The following NOTCH2 variants were observed in gnomAD, a reference collection of about 807,000 sequenced individuals.
The protein encoded by NOTCH2 is notch receptor 2, also known as neurogenic locus notch homolog protein 2.
A neutral mutation model predicts 235.8 loss-of-function variants in NOTCH2; 29 were observed. That is an observed-to-expected ratio of 0.12 (90% confidence interval 0.09 to 0.17). The LOEUF is 0.17. Among genes scored for constraint, NOTCH2 ranks in the 10% least tolerant of loss-of-function variants. The pLI, the probability that NOTCH2 is intolerant of heterozygous loss-of-function variation, is 1.00. For missense variants in NOTCH2, 2,285 were observed against 3,150.2 expected (o/e 0.73, Z 6.57); for synonymous variants, 1,086 against 1,141.5 (o/e 0.95, Z 0.98).
At chr1:120,003,069 G>C (rs1398251057) in intron 3 of NOTCH2, among the ~76,000 whole-genome samples, 8 of 151,774 alleles carry the variant, frequency 5.3e-5, no homozygotes, top group Non-Finnish European at 7.4e-5. Flanking sequence ...ATTAACATTT[G>C]AGTCAGTGGG....
At chr1:119,926,926 T>A (rs1649495983) in intron 23 of NOTCH2, among the ~76,000 whole-genome samples, 1 of 152,238 alleles carries the variant, frequency 6.6e-6, no homozygotes, top group Non-Finnish European at 1.5e-5. Context: ...CTTTTTGAAG[T>A]CATTTTAGCT....
chr1:120,006,188 C>T (rs1435697097), intron 2 of NOTCH2, among the ~76,000 whole-genome samples: 2 of 151,606 alleles, frequency 1.3e-5, no homozygotes, highest in African/African-American at 4.8e-5. Context: ...GCTGACATTA[C>T]AACGGAAAAA....
At chr1:119,930,877 T>A (rs1649628972) in intron 22 of NOTCH2, among the ~76,000 whole-genome samples, 1 of 151,558 alleles carries the variant, frequency 6.6e-6, no homozygotes, top group African/African-American at 2.4e-5. Context: ...GGCAGGTGGA[T>A]CACGAGGTCA....
intron 4 of NOTCH2, chr1:119,996,511 A>G (rs1246943792): frequency 3.2e-6 from 2 of 618,012 alleles, no homozygotes; most frequent in African/African-American, 3.7e-5. Flanking sequence ...CCCAGAGAAA[A>G]TCAAGGGCAG....
At position 120,069,322 on chromosome 1, in the gene NOTCH2, C is replaced by T. The variant is rs782787224; in HGVS notation, c.73+12G>A. On this transcript the variant is annotated intron_variant, in intron 1 of 33. Coordinates refer to ENST00000256646, the MANE Select transcript of NOTCH2 (RefSeq NM_024408.4). ...GGGCGCCGCGGACAGCGCCCCTCAG[C>T]CCGATACTCACCATGCGCGGGGGCC... 16 of 1,563,310 alleles carry T rather than the reference C, an allele frequency of 1.0e-5. No individual in the cohort carries two copies. Among genetic ancestry groups the T allele is most frequent in the East Asian group, 2.3e-5 (1 of 42,718 alleles).
chr1:120,003,641 CT>C (rs1348154488), intron 3 of NOTCH2, among the ~76,000 whole-genome samples: 1 of 151,198 alleles, frequency 6.6e-6, no homozygotes, highest in East Asian at 1.9e-4. Flanking sequence ...TTAATAAACA[CT>C]TTTGAATAAA....
At position 119,997,266 on chromosome 1, in the gene NOTCH2, G is replaced by A. The variant is rs2101211847; in HGVS notation, c.482C>T (p.Thr161Ile). 1 of 1,614,024 alleles carries A rather than the reference G, an allele frequency of 6.2e-7. No individual in the cohort carries two copies. The highest frequency in any genetic ancestry group is 8.5e-7 in the Non-Finnish European group (1 of 1,179,874). ...HPCANGSTCTTVANQFSCKCL... is the reference protein window; with the variant it reads ...HPCANGSTCTIVANQFSCKCL... ...TTTGCAGGAGAACTGGTTGGCCACA[G>A]TGGTACAGGTACTTCCATTTGCACA... Residue 161 changes from threonine (T) to isoleucine (I), a missense_variant, in exon 4 of 34, where the codon ACT (threonine) becomes ATT (isoleucine). Physicochemically the swap from Thr to Ile is moderately conservative, Grantham distance 89. This residue lies in a region of NOTCH2 where 431 missense variants were observed against 757.8 expected (regional missense o/e 0.57). Coordinates refer to ENST00000256646, the MANE Select transcript of NOTCH2 (RefSeq NM_024408.4).
chr1:119,917,913 T>C, intron 32 of NOTCH2, 151 bp from the exon 33 acceptor site: 1 of 674,834 alleles, frequency 1.5e-6, no homozygotes. Flanking sequence ...AATCTCTTCT[T>C]TTTCCTCTGT....
At chr1:119,999,693 C>A (rs1652631429) in intron 3 of NOTCH2, among the ~76,000 whole-genome samples, 1 of 151,956 alleles carries the variant, frequency 6.6e-6, no homozygotes. Context: ...ACCAGCCTGG[C>A]CAACATGGTG....
rs1553195626 is a variant in NOTCH2, at chr1:119,935,506, G to A, written c.3621C>T (p.Asn1207=). ...CTGGTGGGCAAGAGCACTTGAAATG[G>A]TTCACAAGGTCAATACAGGTGCCTC... ...QNGGTCIDLV[N]HFKCSCPPGT... Residue 1207 remains asparagine (N), a synonymous_variant, in exon 22 of 34, where the codon AAC becomes AAT. Coordinates refer to ENST00000256646, the MANE Select transcript of NOTCH2 (RefSeq NM_024408.4). The A allele has an allele frequency of 1.2e-6, 2 of 1,614,202 alleles. No homozygotes were observed. Among genetic ancestry groups the A allele is most frequent in the Non-Finnish European group, 1.7e-6 (2 of 1,180,030 alleles).
intron 5 of NOTCH2, among the ~76,000 whole-genome samples, chr1:119,982,112 T>G (rs1651835749): frequency 6.6e-6 from 1 of 152,134 alleles, no homozygotes; most frequent in Non-Finnish European, 1.5e-5. Context: ...CTCTGGCAAA[T>G]GTACTTGCCA....
In NOTCH2 at chr1:120,045,849, T is replaced by C. The variant is rs587689288; in HGVS notation, c.74-15862A>G. On this transcript the variant is annotated intron_variant, in intron 1 of 33. Coordinates refer to ENST00000256646, the MANE Select transcript of NOTCH2 (RefSeq NM_024408.4). ...CTCTTCAATTTACATTCTGGACCAG[T>C]GGTCTGCAAAATTAGGTGTGTGTAC... Among the ~76,000 whole-genome samples the C allele has an allele frequency of 7.2e-5, 11 of 152,386 alleles. No homozygotes were observed. The South Asian group carries it at 2.1e-3, about 29-fold the overall frequency.
chr1:120,065,163 G>T (rs1655457059), intron 1 of NOTCH2, among the ~76,000 whole-genome samples: 1 of 152,210 alleles, frequency 6.6e-6, no homozygotes, highest in South Asian at 2.1e-4. Flanking sequence ...AAGTTAAAAT[G>T]AAACATCTGG....
intron 22 of NOTCH2, among the ~76,000 whole-genome samples, chr1:119,930,467 T>A (rs961543140): frequency 2.0e-5 from 3 of 151,284 alleles, no homozygotes; most frequent in Non-Finnish European, 4.4e-5. Context: ...TAGAAATTAT[T>A]CTATGATTAA....
At position 119,922,637 on chromosome 1, in the gene NOTCH2, G is replaced by A. The variant is rs1649325944; in HGVS notation, c.5001C>T (p.Val1667=). Residue 1667 remains valine (V), a splice_region_variant and synonymous_variant, in exon 27 of 34, where the codon GTC becomes GTT. Transcript: ENST00000256646. ...GTLSYPLVSV[V]SESLTPERTQ... ...CCCCTTTACACCAGTGCCACTCACT[G>A]ACGACAGACACAAGAGGGTATGACA... 1 of 1,613,996 alleles carries A rather than the reference G, an allele frequency of 6.2e-7. No homozygotes were observed. The highest frequency in any genetic ancestry group is 8.5e-7 in the Non-Finnish European group (1 of 1,180,032).
chr1:119,960,139 T>C (rs1650877875), intron 11 of NOTCH2, among the ~76,000 whole-genome samples: 2 of 152,180 alleles, frequency 1.3e-5, no homozygotes, highest in Admixed American at 6.5e-5. Flanking sequence ...TAATCAGAAT[T>C]GAGTATTTAG....
At chr1:119,972,694 C>T (rs587620859) in intron 5 of NOTCH2, among the ~76,000 whole-genome samples, 1 of 152,242 alleles carries the variant, frequency 6.6e-6, no homozygotes, top group East Asian at 1.9e-4. Context: ...TGCTTGGGCT[C>T]CCATAAAAAT....
intron 1 of NOTCH2, among the ~76,000 whole-genome samples, chr1:120,065,040 G>A (rs868968713): frequency 6.6e-6 from 1 of 152,084 alleles, no homozygotes; most frequent in African/African-American, 2.4e-5. Flanking sequence ...GGCAGGGGGT[G>A]GATGGCAGTG....
intron 19 of NOTCH2, among the ~76,000 whole-genome samples, chr1:119,938,612 G>T (rs1309455770): frequency 1.3e-5 from 2 of 152,034 alleles, no homozygotes; most frequent in East Asian, 1.9e-4. Flanking sequence ...GTACCACATT[G>T]TTTATTGTTG....
Sources: gnomAD v4.1 joint callset for allele counts (sites outside exome capture counted in the v4.1 genomes callset) on GRCh38, gnomAD v4.1.1 for gene constraint, gnomAD v4.1.1 regional missense constraint, MANE v1.5 for transcripts, NCBI Gene and HGNC (gene_info 2026-07-23, HGNC 2026-07-21) for gene names.